SAMD12: variants seen among roughly 807,000 people sequenced by gnomAD.
The protein encoded by SAMD12 is sterile alpha motif domain containing 12.
Under a neutral mutation model 15.0 loss-of-function variants are expected in SAMD12, and 9 were observed. That is an observed-to-expected ratio of 0.60 (90% CI 0.36 to 1.05). The LOEUF is 1.05. Ranked by LOEUF, SAMD12 falls within the 50% of genes least tolerant of loss-of-function variation. SAMD12 has a pLI of 0.01. For missense variants in SAMD12, 230 were observed against 234.2 expected (o/e 0.98, Z 0.12); for synonymous variants, 86 against 90.1 (o/e 0.96, Z 0.25).
chr8:118,532,714 G>T (rs1355103300), intron 2 of SAMD12, among the ~76,000 whole-genome samples: 1 of 152,178 alleles, frequency 6.6e-6, no homozygotes, highest in African/African-American at 2.4e-5. Context: ...AGATTTTCTA[G>T]TTCATTTGCG....
At chr8:118,158,685 G>A in the SAMD12 span, among the ~76,000 whole-genome samples, 2 of 152,188 alleles carry the variant, frequency 1.3e-5, no homozygotes, top group Non-Finnish European at 2.9e-5. Context: ...AGAACTTATG[G>A]TGCATTTTCC....
At chr8:118,516,906 T>C (rs1322316424) in intron 2 of SAMD12, among the ~76,000 whole-genome samples, 1 of 152,222 alleles carries the variant, frequency 6.6e-6, no homozygotes. Flanking sequence ...CCCAAAGTGC[T>C]GGGATTACAG....
At chr8:118,533,640 T>C (rs1008916689) in intron 2 of SAMD12, among the ~76,000 whole-genome samples, 3 of 152,246 alleles carry the variant, frequency 2.0e-5, no homozygotes, top group Non-Finnish European at 2.9e-5. Context: ...TAGATGCATA[T>C]ATAATTAGGA....
intron 1 of SAMD12, among the ~76,000 whole-genome samples, chr8:118,581,725 C>T (rs1423082405): frequency 6.6e-6 from 1 of 152,156 alleles, no homozygotes; most frequent in Non-Finnish European, 1.5e-5. Flanking sequence ...TTGTAAGATC[C>T]ATGCATTCCA....
At chr8:118,207,300 G>T (rs1017993402) in intron 4 of SAMD12, among the ~76,000 whole-genome samples, 10 of 152,176 alleles carry the variant, frequency 6.6e-5, no homozygotes, top group African/African-American at 2.2e-4. Context: ...ATTTCTGGGA[G>T]AAGCATCATC....
At chr8:118,373,623 G>A (rs2630653), downstream of SAMD12, among the ~76,000 whole-genome samples, 1 of 152,066 alleles carries the variant, frequency 6.6e-6, no homozygotes, top group Non-Finnish European at 1.5e-5. Context: ...AAGTTCTTCA[G>A]GAAACACTAA....
At chr8:118,360,652 C>T (rs982668490) in intron 4 of SAMD12, among the ~76,000 whole-genome samples, 2 of 152,144 alleles carry the variant, frequency 1.3e-5, no homozygotes, top group Admixed American at 6.6e-5. Flanking sequence ...CTGTGGGTAC[C>T]CACGGGGATT....
At chr8:118,165,658 A>T in the SAMD12 span, among the ~76,000 whole-genome samples, 699 of 147,452 alleles carry the variant, frequency 4.7e-3, 7 homozygotes, top group Non-Finnish European at 6.7e-3. Context: ...ATAAAACATA[A>T]CAGGTGATTT....
At chr8:118,157,696 G>T in the SAMD12 span, among the ~76,000 whole-genome samples, 1 of 152,140 alleles carries the variant, frequency 6.6e-6, no homozygotes, top group Non-Finnish European at 1.5e-5. Flanking sequence ...TTACAATGTT[G>T]CAATTAGGGC....
At chr8:118,291,130 T>G (rs1490919588) in intron 4 of SAMD12, 1 of 152,270 alleles carries the variant, frequency 6.6e-6, no homozygotes, top group African/African-American at 2.4e-5. Context: ...ATTTTGACAG[T>G]GTTTCACTGT....
chr8:118,338,059 A>G (rs1459595242), intron 4 of SAMD12, among the ~76,000 whole-genome samples: 1 of 152,248 alleles, frequency 6.6e-6, no homozygotes, highest in Non-Finnish European at 1.5e-5. Context: ...TACTCACTTA[A>G]CAATGTAGCA....
At chr8:118,487,103 G>A (rs1192367588) in intron 2 of SAMD12, among the ~76,000 whole-genome samples, 1 of 152,176 alleles carries the variant, frequency 6.6e-6, no homozygotes, top group African/African-American at 2.4e-5. Flanking sequence ...GGCTCTAGGT[G>A]GGGCAAACAG....
At chr8:118,490,798 A>G (rs371791475) in intron 2 of SAMD12, among the ~76,000 whole-genome samples, 8 of 152,182 alleles carry the variant, frequency 5.3e-5, no homozygotes, top group East Asian at 1.9e-4. Context: ...AAATTGCCAA[A>G]GAACACTTTC....
At chr8:118,431,680 C>T (rs1822420231) in intron 3 of SAMD12, among the ~76,000 whole-genome samples, 2 of 133,188 alleles carry the variant, frequency 1.5e-5, no homozygotes, top group African/African-American at 5.7e-5. Context: ...CAAAATTTTA[C>T]CTTTGTCGTG....
chr8:118,163,942 T>C, the SAMD12 span, among the ~76,000 whole-genome samples: 9 of 152,036 alleles, frequency 5.9e-5, no homozygotes, highest in Non-Finnish European at 1.0e-4. Flanking sequence ...AGCTTCAATC[T>C]TTTCCAAGTA....
At chr8:118,487,499 C>T (rs944055549) in intron 2 of SAMD12, among the ~76,000 whole-genome samples, 1 of 152,124 alleles carries the variant, frequency 6.6e-6, no homozygotes, top group African/African-American at 2.4e-5. Flanking sequence ...GTGAGAGTGT[C>T]CAATAACATA....
Position 118,384,411 on chromosome 8 carries a change from G to A in SAMD12, c.323-4711C>T, listed in dbSNP as rs149576877. ...TATGTAGGAGCAAGGAGGAGTCCGC[G>A]GACTATCACAGTCATCTAAGCAGGA... On this transcript the variant is annotated intron_variant, in intron 3 of 3. Coordinates refer to ENST00000314727, the MANE Select transcript of SAMD12 (RefSeq NM_207506.3). Among the ~76,000 whole-genome samples, 23 of 152,266 alleles carry A rather than the reference G, an allele frequency of 1.5e-4. 1 individual carries two copies. Among genetic ancestry groups the A allele is most frequent in the Middle Eastern group, 3.4e-3 (1 of 294 alleles).
At chr8:118,574,848 C>T (rs1038914091) in intron 2 of SAMD12, among the ~76,000 whole-genome samples, 1 of 152,132 alleles carries the variant, frequency 6.6e-6, no homozygotes, top group Non-Finnish European at 1.5e-5. Flanking sequence ...ATTGGGTTGG[C>T]AGCTTTGTTT....
chr8:118,547,001 ACT>A (rs1826148345), intron 2 of SAMD12, among the ~76,000 whole-genome samples: 1 of 152,210 alleles, frequency 6.6e-6, no homozygotes, highest in Non-Finnish European at 1.5e-5. Context: ...CAAAAGCCAT[ACT>A]GAAAAAGAAT....
Sources: gnomAD v4.1 joint callset for allele counts (sites outside exome capture counted in the v4.1 genomes callset) on GRCh38, gnomAD v4.1.1 for gene constraint, MANE v1.5 for transcripts, NCBI Gene and HGNC (gene_info 2026-07-23, HGNC 2026-07-21) for gene names.